The following PRORP variants were observed in gnomAD, a reference collection of about 807,000 sequenced individuals.
PRORP encodes the protein mitochondrial ribonuclease P catalytic subunit.
Under a neutral mutation model 59.4 loss-of-function variants are expected in PRORP, and 51 were observed. That is an observed-to-expected ratio of 0.86 (90% confidence interval 0.69 to 1.08). The LOEUF is 1.08. PRORP is among the 50% of genes least tolerant of loss of function. PRORP has a pLI of 0.00. For synonymous variants in PRORP, 231 were observed against 245.6 expected (o/e 0.94, Z 0.55); for missense variants, 646 against 690.3 (o/e 0.94, Z 0.72).
rs368341776 is a variant in PRORP, at chr14:35,167,277, G to A, written c.1168-13393G>A. 1.3e-4 allele frequency among the ~76,000 whole-genome samples: 20 copies of A among 152,230 alleles called. No individual in the cohort carries two copies. The East Asian group carries it at 1.7e-3, about 13-fold the overall frequency. On this transcript the variant is annotated intron_variant, in intron 4 of 7. Transcript: ENST00000534898. ...CTTGCTTGAGAGATGTTTGACATGC[G>A]GTAAGGAGACCATCACTGTTTTTTC... is the stretch of plus-strand genomic sequence containing the variant.
At chr14:35,140,379 C>G (rs56293506) in intron 4 of PRORP, among the ~76,000 whole-genome samples, 17,869 of 144,956 alleles carry the variant, frequency 0.12, 2,706 homozygotes, top group Middle Eastern at 0.2. Flanking sequence ...AGTCTCTTTA[C>G]TGTTCTAATA....
chr14:35,225,819 G>A (rs1384147701), intron 5 of PRORP, among the ~76,000 whole-genome samples: 3 of 151,994 alleles, frequency 2.0e-5, no homozygotes, highest in Non-Finnish European at 2.9e-5. Flanking sequence ...GGCCAAGACA[G>A]GCAGATTGCT....
At chr14:35,159,916 A>C (rs2048015628) in intron 4 of PRORP, among the ~76,000 whole-genome samples, 1 of 152,204 alleles carries the variant, frequency 6.6e-6, no homozygotes, top group Non-Finnish European at 1.5e-5. Context: ...TGAGGATGGG[A>C]AATTACCTAA....
At chr14:35,180,321 C>T (rs7142246) in intron 4 of PRORP, among the ~76,000 whole-genome samples, 28,042 of 152,150 alleles carry the variant, frequency 0.18, 2,834 homozygotes, top group Admixed American at 0.27. Context: ...CCTATTCGGC[C>T]ATCTTGGAAC....
chr14:35,122,346 TTTC>T (rs2046938951), upstream of PRORP: 2 of 202,694 alleles, frequency 9.9e-6, no homozygotes, highest in African/African-American at 4.6e-5. Flanking sequence ...TCTTTCACAA[TTTC>T]TTTTCATTGT....
At chr14:35,150,285 ATTG>A (rs2047712453) in intron 4 of PRORP, among the ~76,000 whole-genome samples, 1 of 152,280 alleles carries the variant, frequency 6.6e-6, no homozygotes, top group Admixed American at 6.5e-5. Flanking sequence ...TAATTTCAGT[ATTG>A]TTGTGTCTCA....
At position 35,123,710 on chromosome 14, in the gene PRORP, A is replaced by G. The variant is rs545380212; in HGVS notation, c.465A>G (p.Ile155Met). ...AGATGGCTGGCTGTCATAGCTCTAT[A>G]GATGTGGCTAAATCTCTGCTGGCAT... ...ISQMAGCHSS[I>M]DVAKSLLAWV... is the part of the protein sequence containing the mutation. The change falls in exon 2 of 8, where the codon ATA (isoleucine) becomes ATG (methionine). Residue 155 changes from isoleucine (I) to methionine (M), a missense_variant. Transcript: ENST00000534898. The G allele has an allele frequency of 6.2e-7, 1 of 1,614,244 alleles. No homozygotes were observed. Among genetic ancestry groups the G allele is most frequent in the South Asian group, 1.1e-5 (1 of 91,086 alleles).
chr14:35,179,670 G>A (rs187511742), intron 4 of PRORP, among the ~76,000 whole-genome samples: 3 of 152,214 alleles, frequency 2.0e-5, no homozygotes, highest in Admixed American at 2.0e-4. Context: ...TAGCTTCTTT[G>A]CAATGGGTTC....
Position 35,123,306 on chromosome 14 carries a change from G to T in PRORP, c.61G>T (p.Gly21Trp). 1 of 1,613,866 alleles carries T rather than the reference G, an allele frequency of 6.2e-7. No individual in the cohort carries two copies. Among genetic ancestry groups the T allele is most frequent in the South Asian group, 1.1e-5 (1 of 91,082 alleles). The change falls in exon 2 of 8, where the codon GGG (glycine) becomes TGG (tryptophan). Residue 21 changes from glycine to tryptophan, a missense_variant. Coordinates refer to ENST00000534898, the MANE Select transcript of PRORP (RefSeq NM_014672.4). Reference sequence around the variant, plus strand: ...GAAGCTTTGGAAGAGCCCATACCTTGGGCTAGGCCCAGGGCACTCTTATGT... The same window carrying T: ...GAAGCTTTGGAAGAGCCCATACCTTTGGCTAGGCCCAGGGCACTCTTATGT... ...FPKLWKSPYL[G>W]LGPGHSYVSL...
intron 4 of PRORP, among the ~76,000 whole-genome samples, chr14:35,134,931 G>C (rs2047335765): frequency 6.6e-6 from 1 of 152,208 alleles, no homozygotes; most frequent in Non-Finnish European, 1.5e-5. Context: ...GCCCATGGTG[G>C]TGAGGCTTGT....
chr14:35,236,348 C>T (rs1453123107), intron 5 of PRORP, among the ~76,000 whole-genome samples: 1 of 152,134 alleles, frequency 6.6e-6, no homozygotes, highest in Non-Finnish European at 1.5e-5. Context: ...TTGCTTTAAT[C>T]ACTAACTCAT....
rs987829912 is a variant in PRORP, at chr14:35,235,237, A to G, written c.1276-31490A>G. 8 of 728,130 alleles carry G rather than the reference A, an allele frequency of 1.1e-5. No individual in the cohort carries two copies. The African/African-American group carries it at 1.2e-4, about 11-fold the overall frequency. The allele number at this position is 728,130 out of a possible 1,614,324, so 45.1% of individuals were successfully genotyped here. On this transcript the variant is annotated intron_variant, in intron 5 of 7. Transcript: ENST00000534898. ...TTTCGAGCTTGGTGATGCGAGCCAC[A>G]GACTTGGGACCCAGGACATTGCCTC...
intron 4 of PRORP, among the ~76,000 whole-genome samples, chr14:35,154,907 T>C (rs763005090): frequency 4.6e-5 from 7 of 152,110 alleles, no homozygotes; most frequent in Non-Finnish European, 1.0e-4. Context: ...AAACTCTTTT[T>C]TTTTTGAGGC....
intron 4 of PRORP, among the ~76,000 whole-genome samples, chr14:35,168,493 C>T (rs1448226365): frequency 6.6e-6 from 1 of 152,078 alleles, no homozygotes; most frequent in Non-Finnish European, 1.5e-5. Context: ...CCATAACAAG[C>T]TTTTCCTTCC....
At chr14:35,233,579 C>T (rs1566514451) in intron 5 of PRORP, among the ~76,000 whole-genome samples, 1 of 138,986 alleles carries the variant, frequency 7.2e-6, no homozygotes, top group African/African-American at 2.7e-5. Context: ...GAGAAATCAT[C>T]CTTTGTATTT....
chr14:35,134,778 C>G (rs2047332506), intron 4 of PRORP, among the ~76,000 whole-genome samples: 1 of 152,128 alleles, frequency 6.6e-6, no homozygotes, highest in African/African-American at 2.4e-5. Context: ...ACCAGTACTC[C>G]CCTAGCTATC....
chr14:35,180,593 A>G, intron 4 of PRORP, 77 bp from the exon 5 acceptor site: 1 of 749,684 alleles, frequency 1.3e-6, no homozygotes. Context: ...AAACAATAAT[A>G]AAGGTCACTG....
chr14:35,154,239 A>T (rs2047854969), intron 4 of PRORP, among the ~76,000 whole-genome samples: 1 of 152,218 alleles, frequency 6.6e-6, no homozygotes, highest in African/African-American at 2.4e-5. Flanking sequence ...ATTTAGGTGA[A>T]TTAAAAGTGC....
chr14:35,128,450 T>C (rs2047152598), intron 4 of PRORP, among the ~76,000 whole-genome samples: 1 of 152,166 alleles, frequency 6.6e-6, no homozygotes, highest in African/African-American at 2.4e-5. Flanking sequence ...AATTGAGCAG[T>C]GAAGCCGTCA....
Sources: gnomAD v4.1 joint callset for allele counts (sites outside exome capture counted in the v4.1 genomes callset) on GRCh38, gnomAD v4.1.1 for gene constraint, MANE v1.5 for transcripts, NCBI Gene and HGNC (gene_info 2026-07-23, HGNC 2026-07-21) for gene names.